DCP2: variants seen among roughly 807,000 people sequenced by gnomAD.
DCP2 encodes m7GpppN-mRNA hydrolase.
DCP2 carries 30 observed loss-of-function variants against 56.1 expected under a neutral mutation model. The observed-to-expected ratio is 0.53, with a 90% CI of 0.40 to 0.73. The LOEUF is 0.73. Ranked by LOEUF, DCP2 falls within the 30% of genes least tolerant of loss-of-function variation. The probability of loss-of-function intolerance (pLI) is 0.00; values close to 1 mark genes in which losing one functional copy is unlikely to be tolerated. For missense variants in DCP2, 533 were observed against 502.7 expected, an observed-to-expected ratio of 1.06 and a Z score of -0.58; for synonymous variants, 197 against 163.3, an observed-to-expected ratio of 1.21 and a Z score of -1.57.
In DCP2 at chr5:112,997,009, C is replaced by T. The variant is rs78002487; in HGVS notation, c.433-4075C>T. 8.7e-3 allele frequency among the ~76,000 whole-genome samples: 1,319 copies of T among 152,258 alleles called. 27 individuals carry two copies. Among genetic ancestry groups the T allele is most frequent in the African/African-American group, 0.031 (1,272 of 41,544 alleles). On this transcript the variant is annotated intron_variant, in intron 4 of 10. Coordinates refer to ENST00000389063, the MANE Select transcript of DCP2 (RefSeq NM_152624.6). The stretch of plus-strand genomic sequence containing the variant: ...GAACCAAAAACCAAATGTACATTGG[C>T]GTTTCAAAGTTAGTTTTCTTCTAAA...
intron 4 of DCP2, among the ~76,000 whole-genome samples, chr5:112,996,011 G>T (rs1369237384): frequency 6.6e-6 from 1 of 152,194 alleles, no homozygotes; most frequent in Non-Finnish European, 1.5e-5. Context: ...AGCCCTGTCA[G>T]ATTAGGGCCC....
intron 1 of DCP2, among the ~76,000 whole-genome samples, chr5:112,982,167 T>G (rs1178368316): frequency 7.0e-6 from 1 of 143,050 alleles, no homozygotes; most frequent in Non-Finnish European, 1.5e-5. Flanking sequence ...ACTATGATTC[T>G]GTTGTACATG....
intron 8 of DCP2, 55 bp downstream of exon 8, chr5:113,004,132 A>G (rs1365939972): frequency 6.3e-7 from 1 of 1,576,608 alleles, no homozygotes; most frequent in African/African-American, 1.4e-5. Flanking sequence ...TGGCTTTGAA[A>G]TTTTTCTCAA....
Position 113,003,950 on chromosome 5 carries a change from A to G in DCP2, c.815A>G (p.Lys272Arg), listed in dbSNP as rs927184610. 2.5e-6 allele frequency: 4 copies of G among 1,614,128 alleles called. No individual in the cohort carries two copies. In the Admixed American group the frequency reaches 6.7e-5, roughly 27 times the overall value. ...KPTVEKLSRT[K>R]FRHSQQLFPD... ...TTTAAATCTTGGTGTAGTCGAACCA[A>G]ATTCCGCCACAGTCAGCAGTTATTT... Residue 272 changes from lysine (K) to arginine (R), a missense_variant, in exon 8 of 11, where the codon AAA becomes AGA. Lys to Arg is a conservative substitution (Grantham distance 26). Coordinates refer to ENST00000389063, the MANE Select transcript of DCP2 (RefSeq NM_152624.6).
intron 10 of DCP2, among the ~76,000 whole-genome samples, chr5:113,012,917 C>T (rs1749737959): frequency 6.6e-6 from 1 of 152,328 alleles, no homozygotes; most frequent in East Asian, 1.9e-4. Flanking sequence ...GCTGGGATTA[C>T]AGGTGTGAGC....
rs1200314800 is a variant in DCP2, at chr5:113,017,192, A to G, written c.*3708A>G. ...TTGTATGTTAATCATAGTTATAGTA[A>G]AGTCAGACTCATTAACTTTTCTTCC... On this transcript the variant is annotated 3_prime_UTR_variant, in exon 11 of 11. Coordinates refer to ENST00000389063, the MANE Select transcript of DCP2 (RefSeq NM_152624.6). 6.6e-6 allele frequency: 1 copy of G among 152,176 alleles called. No homozygotes were observed. The highest frequency in any genetic ancestry group is 2.4e-5 in the African/African-American group (1 of 41,438). 9.4% of individuals were successfully genotyped at this position (152,176 alleles called of 1,614,324 possible).
At position 113,005,701 on chromosome 5, in the gene DCP2, A is replaced by G. The variant is rs78925826; in HGVS notation, c.942+1624A>G. Among the ~76,000 whole-genome samples, 1,328 of 152,370 alleles carry G rather than the reference A, an allele frequency of 8.7e-3. 16 individuals are homozygous for G. Among genetic ancestry groups the G allele is most frequent in the African/African-American group, 0.03 (1,235 of 41,584 alleles). On this transcript the variant is annotated intron_variant, in intron 8 of 10. Transcript: ENST00000389063. ...AGGAACTTAAACAGATAACTTGTGT[A>G]CCAATGTTCATAGCAGCATTATTCA...
intron 9 of DCP2, 42 bp from the exon 10 acceptor site, chr5:113,010,714 G>C (rs1474856498): frequency 1.3e-6 from 2 of 1,482,952 alleles, no homozygotes; most frequent in Non-Finnish European, 1.8e-6. Flanking sequence ...TGGTGACTGT[G>C]TTGTATGTGT....
Position 113,007,604 on chromosome 5 carries a change from G to A in DCP2, c.943-334G>A, listed in dbSNP as rs1182521029. Reference sequence around the variant, plus strand: ...TTTAGTAGAGACGGGGTTTTGCTGTGTTAGCCAGGATGGTCTCATCTCAAC... The same window carrying A: ...TTTAGTAGAGACGGGGTTTTGCTGTATTAGCCAGGATGGTCTCATCTCAAC... On this transcript the variant is annotated intron_variant, in intron 8 of 10. Coordinates refer to ENST00000389063, the MANE Select transcript of DCP2 (RefSeq NM_152624.6). 4.6e-5 allele frequency among the ~76,000 whole-genome samples: 7 copies of A among 152,082 alleles called. No homozygotes were observed. In the South Asian group the frequency reaches 1.0e-3, roughly 23 times the overall value.
intron 8 of DCP2, among the ~76,000 whole-genome samples, chr5:113,007,053 G>C (rs146994496): frequency 2.6e-5 from 4 of 152,072 alleles, no homozygotes; most frequent in Non-Finnish European, 5.9e-5. Context: ...CAGGAGAATC[G>C]CTTGAACTTG....
At position 112,993,622 on chromosome 5, in the gene DCP2, C is replaced by T. The variant is rs1169681652; in HGVS notation, c.432+852C>T. Among the ~76,000 whole-genome samples the T allele has an allele frequency of 4.6e-5, 6 of 129,550 alleles. 1 individual carries two copies. The highest frequency in any genetic ancestry group is 1.7e-4 in the African/African-American group (6 of 35,298). The allele number at this position is 129,550 out of a possible 152,430, so 85.0% of individuals were successfully genotyped here. A position where few individuals can be genotyped will look rare whatever the true frequency, so the allele number is the denominator to read the frequency against. ...CTGGGCAACAAGAGTGAAACACTAT[C>T]TCAAAAAAAAAAAAAAACCAAAAAA... is the stretch of plus-strand genomic sequence containing the variant. On this transcript the variant is annotated intron_variant, in intron 4 of 10. Transcript: ENST00000389063.
At position 113,001,604 on chromosome 5, in the gene DCP2, T is replaced by G. The variant is rs1239287838; in HGVS notation, c.736T>G (p.Ser246Ala). ...RDWLSRRFGD[S>A]SDSDNGFSST... ...CTGGCTTTCTCGAAGATTTGGCGAT[T>G]CCTCAGACAGTGACAATGGATTTTC... Residue 246 changes from serine (S) to alanine (A), a missense_variant, in exon 7 of 11, where the codon TCC becomes GCC. By Grantham distance (99) the Ser-to-Ala change is moderately conservative. Transcript: ENST00000389063. 1 of 1,614,178 alleles carries G rather than the reference T, an allele frequency of 6.2e-7. No homozygotes were observed. The highest frequency in any genetic ancestry group is 8.5e-7 in the Non-Finnish European group (1 of 1,180,026).
At chr5:113,000,418 A>C (rs866516670) in intron 4 of DCP2, among the ~76,000 whole-genome samples, 104 of 102,236 alleles carry the variant, frequency 1.0e-3, no homozygotes, top group Middle Eastern at 5.2e-3. Flanking sequence ...ACACACACAC[A>C]CACACACCCA....
intron 1 of DCP2, among the ~76,000 whole-genome samples, chr5:112,982,795 C>G (rs1182767180): frequency 6.6e-6 from 1 of 152,112 alleles, no homozygotes; most frequent in African/African-American, 2.4e-5. Context: ...CTTCTGGTTC[C>G]TCAATTATGT....
intron 4 of DCP2, among the ~76,000 whole-genome samples, chr5:112,998,310 T>C (rs1748958468): frequency 6.6e-6 from 1 of 152,232 alleles, no homozygotes; most frequent in Non-Finnish European, 1.5e-5. Flanking sequence ...TTTTTTCTTC[T>C]TGTTGGTTTG....
intron 2 of DCP2, among the ~76,000 whole-genome samples, chr5:112,987,342 G>C (rs1053894969): frequency 6.6e-6 from 1 of 152,196 alleles, no homozygotes; most frequent in African/African-American, 2.4e-5. Context: ...GAATTGAACA[G>C]CGTCCTCTCA....
intron 4 of DCP2, among the ~76,000 whole-genome samples, chr5:112,997,433 T>A (rs994294770): frequency 6.6e-6 from 1 of 152,312 alleles, no homozygotes; most frequent in East Asian, 1.9e-4. Context: ...AAGCAGTGTT[T>A]TAGTGTAATG....
chr5:113,010,644 C>T (rs1749642678), intron 9 of DCP2, 112 bp from the exon 10 acceptor site: 4 of 1,161,720 alleles, frequency 3.4e-6, no homozygotes, highest in South Asian at 3.8e-5. Flanking sequence ...ATTCCTGGTT[C>T]AGTTTTTCTT....
At chr5:112,995,058 G>A (rs189779911) in intron 4 of DCP2, among the ~76,000 whole-genome samples, 36 of 152,298 alleles carry the variant, frequency 2.4e-4, no homozygotes, top group Admixed American at 3.9e-4. Context: ...CAAACTGCTG[G>A]TGGTGGTTTA....
Sources: allele counts gnomAD v4.1 joint callset (sites outside exome capture counted in the v4.1 genomes callset), GRCh38; gene constraint gnomAD v4.1.1; transcripts MANE v1.5; gene names NCBI Gene and HGNC (gene_info 2026-07-23, HGNC 2026-07-21).